Variants in MEI1 observed in about 807,000 individuals in gnomAD.
MEI1 encodes meiosis inhibitor protein 1.
A neutral mutation model predicts 146.2 loss-of-function variants in MEI1; 103 were observed. The observed-to-expected ratio is 0.70, with a 90% CI of 0.60 to 0.83. MEI1 has a LOEUF of 0.83. MEI1 is among the 40% of genes least tolerant of loss of function. The pLI is 0.00. For synonymous variants in MEI1, 652 were observed against 628.2 expected (o/e 1.04, Z -0.57); for missense variants, 1,529 against 1,533.0 (o/e 1.00, Z 0.04).
chr22:41,755,494 G>T (rs774814729), intron 17 of MEI1, among the ~76,000 whole-genome samples: 2 of 152,214 alleles, frequency 1.3e-5, no homozygotes, highest in Non-Finnish European at 2.9e-5. Context: ...CCTGCAGAGA[G>T]AATAGCATGA....
At chr22:41,768,658 T>C (rs2075000320) in intron 19 of MEI1, among the ~76,000 whole-genome samples, 1 of 152,034 alleles carries the variant, frequency 6.6e-6, no homozygotes, top group African/African-American at 2.4e-5. Flanking sequence ...AGCTGGCATA[T>C]CTTATATGGC....
At chr22:41,765,169 C>A (rs1449513369) in intron 19 of MEI1, among the ~76,000 whole-genome samples, 2 of 152,166 alleles carry the variant, frequency 1.3e-5, no homozygotes, top group Non-Finnish European at 2.9e-5. Flanking sequence ...GCATGTGCCA[C>A]CACGCCCAGC....
chr22:41,711,247 A>G (rs1259273546), intron 3 of MEI1, among the ~76,000 whole-genome samples: 1 of 151,538 alleles, frequency 6.6e-6, no homozygotes, highest in Non-Finnish European at 1.5e-5. Context: ...ATCTCGGCTC[A>G]CTGCAAGCTC....
At chr22:41,770,434 A>G (rs1191260554) in intron 19 of MEI1, among the ~76,000 whole-genome samples, 4 of 151,980 alleles carry the variant, frequency 2.6e-5, no homozygotes, top group African/African-American at 4.8e-5. Flanking sequence ...CATTCCCCCA[A>G]TCAAGATAGT....
intron 21 of MEI1, among the ~76,000 whole-genome samples, chr22:41,777,104 A>C (rs925766836): frequency 6.6e-6 from 1 of 151,364 alleles, no homozygotes; most frequent in African/African-American, 2.4e-5. Flanking sequence ...GGGGTGAGCC[A>C]CTGCGCCCAG....
intron 26 of MEI1, among the ~76,000 whole-genome samples, chr22:41,787,381 T>G (rs905957092): frequency 6.6e-6 from 1 of 152,156 alleles, no homozygotes; most frequent in Admixed American, 6.6e-5. Flanking sequence ...ACTAATAACA[T>G]TTTATTATAC....
Position 41,781,306 on chromosome 22 carries a change from C to G in MEI1, c.2838C>G (p.Cys946Trp). Residue 946 changes from cysteine to tryptophan, a missense_variant, in exon 23 of 31, where the codon TGC (cysteine) becomes TGG (tryptophan). Cys to Trp is a radical substitution (Grantham distance 215). This residue lies in a region of MEI1 where 1,212 missense variants were observed against 1,178.9 expected (regional missense o/e 1.03). Coordinates refer to ENST00000401548, the MANE Select transcript of MEI1 (RefSeq NM_152513.4). ...LHQVSKLCGK[C>W]SPTDVDILQP... ...CAGTAAGCAAGCTGTGTGGGAAGTG[C>G]AGCCCCACTGACGTGGACATCCTGC... 1.9e-6 allele frequency: 3 copies of G among 1,612,376 alleles called. No homozygotes were observed. The highest frequency in any genetic ancestry group is 2.5e-6 in the Non-Finnish European group (3 of 1,179,268).
intron 18 of MEI1, among the ~76,000 whole-genome samples, chr22:41,760,638 A>G (rs1803202296): frequency 6.6e-6 from 1 of 152,218 alleles, no homozygotes; most frequent in African/African-American, 2.4e-5. Context: ...TTGGCAAGCT[A>G]CTGCCTTAAA....
At chr22:41,716,669 C>T (rs2070217240) in intron 5 of MEI1, among the ~76,000 whole-genome samples, 1 of 146,844 alleles carries the variant, frequency 6.8e-6, no homozygotes, top group Non-Finnish European at 1.5e-5. Flanking sequence ...AGCCACCACG[C>T]TGGCCTTCCA....
At chr22:41,781,095 C>A in intron 22 of MEI1, among the ~76,000 whole-genome samples, 189 bp from the exon 23 acceptor site, 1 of 152,202 alleles carries the variant, frequency 6.6e-6, no homozygotes, top group Non-Finnish European at 1.5e-5. Context: ...TGATGTTTGT[C>A]TAGATGGAGG....
rs369566506 is a variant in MEI1, at chr22:41,732,253, G to A, written c.1105G>A (p.Ala369Thr). Reference protein sequence around the residue: ...SKCHTVYGIEAVVRSLQGSLK... With the variant: ...SKCHTVYGIETVVRSLQGSLK... ...ATGTCATCCTGTGGTAGGGATCGAG[G>A]CAGTGGTGAGGAGCCTGCAGGGAAG... The change falls in exon 10 of 31, where the codon GCA becomes ACA. Residue 369 changes from alanine (A) to threonine (T), a missense_variant. Physicochemically the swap from Ala to Thr is moderately conservative, Grantham distance 58. Around this residue, in one of 3 missense-constraint regions of MEI1, gnomAD observed 1,212 missense variants for 1,178.9 expected, o/e 1.03. Transcript: ENST00000401548. 1 of 1,609,710 alleles carries A rather than the reference G, an allele frequency of 6.2e-7. No individual in the cohort carries two copies. The highest frequency in any genetic ancestry group is 8.5e-7 in the Non-Finnish European group (1 of 1,178,310).
intron 6 of MEI1, 109 bp downstream of exon 6, chr22:41,718,383 G>A: frequency 1.0e-6 from 1 of 999,166 alleles, no homozygotes; most frequent in Non-Finnish European, 1.5e-6. Flanking sequence ...TTTTGCAAAA[G>A]GTAGAAGCCA....
chr22:41,708,753 C>T (rs564149342), intron 3 of MEI1, among the ~76,000 whole-genome samples: 4 of 152,174 alleles, frequency 2.6e-5, no homozygotes, highest in African/African-American at 7.2e-5. Context: ...ACTGTTCTTT[C>T]GACAGATGCC....
intron 11 of MEI1, among the ~76,000 whole-genome samples, chr22:41,740,187 T>G (rs2072741604): frequency 6.6e-6 from 1 of 152,110 alleles, no homozygotes; most frequent in South Asian, 2.1e-4. Flanking sequence ...GCCTGGATAC[T>G]TCTTGTATTT....
Position 41,795,198 on chromosome 22 carries a change from G to A in MEI1, c.3535-213G>A, listed in dbSNP as rs575624895. On this transcript the variant is annotated intron_variant, in intron 28 of 30. Coordinates refer to ENST00000401548, the MANE Select transcript of MEI1 (RefSeq NM_152513.4). This position sits in a 1 kb window ranked among gnomAD's most constrained non-coding sequence, Gnocchi z 4.2. ...GGAGCCAAGGCCAAAGGGGTCAGGA[G>A]GGCCAGCTCTCTCAGGATCTCACAG... Among the ~76,000 whole-genome samples the A allele has an allele frequency of 1.8e-4, 28 of 152,240 alleles. No homozygotes were observed. Among genetic ancestry groups the A allele is most frequent in the African/African-American group, 6.3e-4 (26 of 41,532 alleles).
chr22:41,745,167 T>C (rs1038810415), intron 13 of MEI1, 103 bp downstream of exon 13: 1 of 832,726 alleles, frequency 1.2e-6, no homozygotes, highest in African/African-American at 1.8e-5. Flanking sequence ...TTTCTGATAC[T>C]CTGCTGTATG....
intron 2 of MEI1, among the ~76,000 whole-genome samples, chr22:41,704,031 T>C (rs1351846331): frequency 6.6e-6 from 1 of 152,186 alleles, no homozygotes; most frequent in Non-Finnish European, 1.5e-5. Context: ...ACACGGTCTT[T>C]GTACAGGACC....
intron 6 of MEI1, among the ~76,000 whole-genome samples, chr22:41,719,590 C>G (rs551030301): frequency 6.6e-6 from 1 of 152,324 alleles, no homozygotes; most frequent in African/African-American, 2.4e-5. Flanking sequence ...ACCCCAAACT[C>G]ATGACCCAAA....
At chr22:41,709,579 C>T (rs2069378416) in intron 3 of MEI1, 1 of 471,028 alleles carries the variant, frequency 2.1e-6, no homozygotes, top group Non-Finnish European at 4.0e-6. Flanking sequence ...GTTCTCGCCT[C>T]TTCTTCTGAA....
Sources: gnomAD v4.1 joint callset for allele counts (sites outside exome capture counted in the v4.1 genomes callset) on GRCh38, gnomAD v4.1.1 for gene constraint, gnomAD v4.1.1 regional missense constraint, Gnocchi (gnomAD v3.1) non-coding constraint, MANE v1.5 for transcripts, NCBI Gene and HGNC (gene_info 2026-07-23, HGNC 2026-07-21) for gene names.